Variants in SLC22A25 observed in about 807,000 individuals in gnomAD.
SLC22A25 encodes the protein MGI:2442751, MGI:2385316, MGI:3042283, MGI:3645714, MGI:3605624, MGI:2442750.
A neutral mutation model predicts 45.9 loss-of-function variants in SLC22A25; 44 were observed. The observed-to-expected ratio is 0.96, with a 90% CI of 0.75 to 1.23. SLC22A25 has a LOEUF of 1.23. SLC22A25 is among the 50% of genes most tolerant of loss of function. The pLI is 0.00. For missense variants in SLC22A25, 800 were observed against 666.4 expected, an observed-to-expected ratio of 1.20 and a Z score of -2.21; for synonymous variants, 283 against 238.6, an observed-to-expected ratio of 1.19 and a Z score of -1.72.
At chr11:63,182,454 G>C (rs890699997) in intron 8 of SLC22A25, among the ~76,000 whole-genome samples, 1 of 150,650 alleles carries the variant, frequency 6.6e-6, no homozygotes, top group Non-Finnish European at 1.5e-5. Flanking sequence ...TGAGAATTCA[G>C]TTGACCCAAA....
In SLC22A25 at chr11:63,216,846, G is replaced by A. The variant is rs1370617752; in HGVS notation, c.830+468C>T. Among the ~76,000 whole-genome samples the A allele has an allele frequency of 2.7e-5, 4 of 148,846 alleles. No homozygotes were observed. The South Asian group carries it at 6.4e-4, about 24-fold the overall frequency. Reference sequence around the variant, plus strand: ...TAAAAAAGATTTTCTTATAAAAAAAGTGGTATGGATAAATTTAAATTTCTA... The same window carrying A: ...TAAAAAAGATTTTCTTATAAAAAAAATGGTATGGATAAATTTAAATTTCTA... On this transcript the variant is annotated intron_variant, in intron 7 of 11. Transcript: ENST00000306494.
chr11:63,160,159 G>A lies in SLC22A25; in HGVS notation c.*3665C>T, dbSNP rs1179797885. 3.3e-5 allele frequency among the ~76,000 whole-genome samples: 5 copies of A among 152,220 alleles called. No homozygotes were observed. The highest frequency in any genetic ancestry group is 1.5e-5 in the Non-Finnish European group (1 of 68,032). The stretch of plus-strand genomic sequence containing the variant: ...TGCTGCAGAAATTTGCATAAGTAAT[G>A]AGGAACCAAAGGTTAATCCCTAAGA... On this transcript the variant is annotated 3_prime_UTR_variant, in exon 12 of 12. Coordinates refer to ENST00000306494, the MANE Select transcript of SLC22A25 (RefSeq NM_199352.6).
intron 8 of SLC22A25, among the ~76,000 whole-genome samples, chr11:63,182,334 C>T (rs950025711): frequency 2.0e-5 from 3 of 151,658 alleles, no homozygotes; most frequent in African/African-American, 4.8e-5. Flanking sequence ...TTGTTGTTGT[C>T]GTTGTTTTGA....
chr11:63,197,243 C>A (rs2089072758), intron 7 of SLC22A25, among the ~76,000 whole-genome samples: 1 of 151,880 alleles, frequency 6.6e-6, no homozygotes, highest in Non-Finnish European at 1.5e-5. Flanking sequence ...TTCAAACAAT[C>A]AGAAGAAATG....
chr11:63,220,075 T>C (rs577718935), intron 5 of SLC22A25: 367 of 1,145,792 alleles, frequency 3.2e-4, no homozygotes, highest in Non-Finnish European at 4.0e-4. Context: ...ACTTCTCATG[T>C]CACAGACTGT....
chr11:63,170,063 CT>C (rs955236084), intron 9 of SLC22A25, among the ~76,000 whole-genome samples: 1 of 152,110 alleles, frequency 6.6e-6, no homozygotes, highest in African/African-American at 2.4e-5. Context: ...TCCTGAATGA[CT>C]ACTGGGTAAA....
intron 8 of SLC22A25, 109 bp downstream of exon 8, chr11:63,183,585 C>G: frequency 7.1e-7 from 1 of 1,406,584 alleles, no homozygotes; most frequent in Non-Finnish European, 9.8e-7. Context: ...TGAGATGACC[C>G]ATAACTCTAC....
rs2087527689 is a variant in SLC22A25, at chr11:63,160,884, G to A, written c.*2940C>T. ...GATTGGACTTCCCTGCTGGATTTTG[G>A]AATTGTATGGGGCCTTTAGTAAAAC... On this transcript the variant is annotated 3_prime_UTR_variant, in exon 12 of 12. Transcript: ENST00000306494. 6.6e-6 allele frequency among the ~76,000 whole-genome samples: 1 copy of A among 152,118 alleles called. No homozygotes were observed. The highest frequency in any genetic ancestry group is 2.4e-5 in the African/African-American group (1 of 41,434).
intron 7 of SLC22A25, among the ~76,000 whole-genome samples, chr11:63,214,568 AC>A (rs376403259): frequency 1.6e-4 from 24 of 152,268 alleles, no homozygotes; most frequent in African/African-American, 4.8e-4. Context: ...CATTGTGAAG[AC>A]CCTGTTTCTC....
intron 9 of SLC22A25, chr11:63,168,005 TG>T: frequency 5.5e-6 from 2 of 363,970 alleles, no homozygotes; most frequent in South Asian, 2.0e-5. Flanking sequence ...CAACCTCCGC[TG>T]GTGATACCCA....
chr11:63,237,422 GC>G (rs1270580296), intron 3 of SLC22A25, among the ~76,000 whole-genome samples: 1 of 152,152 alleles, frequency 6.6e-6, no homozygotes, highest in Non-Finnish European at 1.5e-5. Flanking sequence ...ATGAAATCCA[GC>G]CCCCATTCTC....
At chr11:63,236,959 A>C (rs994149654) in intron 3 of SLC22A25, among the ~76,000 whole-genome samples, 8 of 152,188 alleles carry the variant, frequency 5.3e-5, no homozygotes, top group African/African-American at 1.9e-4. Flanking sequence ...ATTTTCAAAC[A>C]GGCTGAATTC....
chr11:63,210,089 T>A (rs2089516995), intron 7 of SLC22A25, among the ~76,000 whole-genome samples: 2 of 152,196 alleles, frequency 1.3e-5, no homozygotes, highest in Non-Finnish European at 2.9e-5. Flanking sequence ...ATGAAAGGCT[T>A]TGCGAGGCAT....
intron 7 of SLC22A25, among the ~76,000 whole-genome samples, chr11:63,205,428 G>T (rs541613380): frequency 1.3e-5 from 2 of 152,112 alleles, no homozygotes; most frequent in Admixed American, 1.3e-4. Context: ...CAGAAGAAAA[G>T]AGAGAAGAAT....
chr11:63,206,246 C>T (rs1226181388), intron 7 of SLC22A25, among the ~76,000 whole-genome samples: 4 of 152,160 alleles, frequency 2.6e-5, no homozygotes, highest in African/African-American at 9.7e-5. Flanking sequence ...TGGTGTCTCT[C>T]ACTACTCCTA....
At chr11:63,220,661 A>C (rs2089832920) in intron 5 of SLC22A25, among the ~76,000 whole-genome samples, 1 of 152,172 alleles carries the variant, frequency 6.6e-6, no homozygotes, top group Admixed American at 6.6e-5. Flanking sequence ...TGTACAATTA[A>C]ATTATTACTG....
chr11:63,229,115 G>T (rs2090019517), intron 4 of SLC22A25, 136 bp downstream of exon 4: 4 of 900,314 alleles, frequency 4.4e-6, no homozygotes, highest in Non-Finnish European at 6.4e-6. Flanking sequence ...GCATTCAGTA[G>T]AGAAGCAATT....
rs1019140937 is a variant in SLC22A25 at position 63,160,606 on chromosome 11, C to G, written c.*3218G>C. 2.6e-5 allele frequency among the ~76,000 whole-genome samples: 4 copies of G among 152,306 alleles called. No homozygotes were observed. The highest frequency in any genetic ancestry group is 3.9e-4 in the East Asian group (2 of 5,186). On this transcript the variant is annotated 3_prime_UTR_variant, in exon 12 of 12. Coordinates refer to ENST00000306494, the MANE Select transcript of SLC22A25 (RefSeq NM_199352.6). Reference sequence around the variant, plus strand: ...CCATACACAGAGTCTCCATCGGAGACTGCTTAGTGGAGCTGTGAGAAGAGG... The same window carrying G: ...CCATACACAGAGTCTCCATCGGAGAGTGCTTAGTGGAGCTGTGAGAAGAGG...
intron 3 of SLC22A25, among the ~76,000 whole-genome samples, chr11:63,231,800 A>T (rs1317351660): frequency 6.6e-6 from 1 of 152,130 alleles, no homozygotes; most frequent in East Asian, 1.9e-4. Context: ...ATCTTGAATT[A>T]ATTTTTGTGT....
Sources: gnomAD v4.1 joint callset for allele counts (sites outside exome capture counted in the v4.1 genomes callset) on GRCh38, gnomAD v4.1.1 for gene constraint, MANE v1.5 for transcripts, NCBI Gene and HGNC (gene_info 2026-07-23, HGNC 2026-07-21) for gene names.